Variants in TXNDC5 observed in about 807,000 individuals in gnomAD.
The protein encoded by TXNDC5 is thioredoxin domain-containing protein 5.
In TXNDC5, 44 loss-of-function variants were observed where a neutral mutation model predicts 52.6. That is an observed-to-expected ratio of 0.84 (90% CI 0.66 to 1.08). The LOEUF is 1.08. Ranked by LOEUF, TXNDC5 falls within the 50% of genes least tolerant of loss-of-function variation. The probability of loss-of-function intolerance (pLI) is 0.00; values close to 1 mark genes in which losing one functional copy is unlikely to be tolerated. For synonymous variants in TXNDC5, 241 were observed against 234.4 expected (o/e 1.03, Z -0.26); for missense variants, 600 against 565.5 (o/e 1.06, Z -0.62).
rs146362839 is a variant in TXNDC5 at position 7,891,048 on chromosome 6, C to T, written c.732+573G>A. On this transcript the variant is annotated intron_variant, in intron 5 of 9. Coordinates refer to ENST00000379757, the MANE Select transcript of TXNDC5 (RefSeq NM_030810.5). ...AAGAAAGGAAATCTATGCATGGTGT[C>T]TGGTGGGTGCTGGAAAGTGTAGAAG... Among the ~76,000 whole-genome samples the T allele has an allele frequency of 3.5e-4, 54 of 152,292 alleles. 2 individuals are homozygous for T. In the East Asian group the frequency reaches 8.9e-3, roughly 25 times the overall value.
chr6:7,895,333 G>A (rs1760331491), intron 3 of TXNDC5, 131 bp from the exon 4 acceptor site: 4 of 765,674 alleles, frequency 5.2e-6, no homozygotes, highest in South Asian at 1.8e-5. Flanking sequence ...ACCCTTGTAC[G>A]ATGCTGCTGT....
intron 7 of TXNDC5, among the ~76,000 whole-genome samples, chr6:7,887,093 T>C (rs1760008386): frequency 6.8e-6 from 1 of 147,798 alleles, no homozygotes; most frequent in South Asian, 2.2e-4. Flanking sequence ...GTTTACTTCT[T>C]CAACCAAAAC....
chr6:7,888,651 G>A (rs1760083895), intron 7 of TXNDC5, 54 bp downstream of exon 7: 1 of 1,558,254 alleles, frequency 6.4e-7, no homozygotes, highest in Non-Finnish European at 8.6e-7. Flanking sequence ...GGGGAGGTGG[G>A]GGGCCGGGGG....
At chr6:7,887,286 G>A (rs1239794429) in intron 7 of TXNDC5, among the ~76,000 whole-genome samples, 2 of 152,074 alleles carry the variant, frequency 1.3e-5, no homozygotes, top group Non-Finnish European at 2.9e-5. Context: ...AGGATGACAC[G>A]GGCACTCTCG....
At chr6:7,895,264 G>A (rs1760325818) in intron 3 of TXNDC5, 62 bp from the exon 4 acceptor site, 1 of 1,493,758 alleles carries the variant, frequency 6.7e-7, no homozygotes, top group Non-Finnish European at 9.1e-7. Flanking sequence ...AACCATCCAG[G>A]AGGTGACTGT....
rs762345665 is a variant in TXNDC5, at chr6:7,888,766, G to A, written c.902C>T (p.Ala301Val). ...ESQLQRTETGATETVTPSEAP... is the reference protein window; with the variant it reads ...ESQLQRTETGVTETVTPSEAP... ...CTCTGAGGGCGTGACGGTCTCCGTC[G>A]CTCCAGTCTCTGTGCGCTGCAGCTG... is the stretch of plus-strand genomic sequence containing the variant. The change falls in exon 7 of 10, where the codon GCG becomes GTG. Residue 301 changes from alanine to valine, a missense_variant. Ala to Val is a moderately conservative substitution (Grantham distance 64). Transcript: ENST00000379757. The A allele has an allele frequency of 3.1e-6, 5 of 1,614,102 alleles. No homozygotes were observed. Among genetic ancestry groups the A allele is most frequent in the South Asian group, 2.2e-5 (2 of 91,074 alleles).
chr6:7,910,224 C>T, intron 1 of TXNDC5: 1 of 906,154 alleles, frequency 1.1e-6, no homozygotes, highest in Non-Finnish European at 1.3e-6. Flanking sequence ...GCCCCAAGCC[C>T]TCGGTCCCCT....
chr6:7,910,221 G>A, intron 1 of TXNDC5: 1 of 912,370 alleles, frequency 1.1e-6, no homozygotes, highest in Non-Finnish European at 1.3e-6. Context: ...GGAGCCCCAA[G>A]CCCTCGGTCC....
chr6:7,895,058 A>G, intron 4 of TXNDC5, 48 bp downstream of exon 4: 1 of 1,592,334 alleles, frequency 6.3e-7, no homozygotes, highest in Non-Finnish European at 8.6e-7. Flanking sequence ...CAGCACGCCA[A>G]GGAATAATAG....
At chr6:7,886,301 C>T (rs1225938) in intron 7 of TXNDC5, among the ~76,000 whole-genome samples, 54,639 of 151,838 alleles carry the variant, frequency 0.36, 10,566 homozygotes, top group East Asian at 0.65. Flanking sequence ...GGTGGCTGGA[C>T]ACTGTACAGG....
intron 8 of TXNDC5, among the ~76,000 whole-genome samples, 186 bp from the exon 9 acceptor site, chr6:7,884,674 AC>A (rs1006618187): frequency 3.3e-5 from 5 of 152,202 alleles, no homozygotes; most frequent in African/African-American, 1.2e-4. Flanking sequence ...CAAATGAAGA[AC>A]CCAAAAGTTG....
rs554548444 is a variant in TXNDC5, at chr6:7,882,943, TTTACTTAGAGAAACTTAAC to T, written c.*182_*200del. ...TTACACAGTGACCATGAGTTACACA[TTTACTTAGAGAAACTTAAC>T]TTAATAAAGAATCTGTAGAGTGTGT... is the stretch of plus-strand genomic sequence containing the variant. On this transcript the variant is annotated 3_prime_UTR_variant, in exon 10 of 10. Transcript: ENST00000379757. 441 of 619,890 alleles carry T rather than the reference TTTACTTAGAGAAACTTAAC, an allele frequency of 7.1e-4. No individual in the cohort carries two copies. The highest frequency in any genetic ancestry group is 1.4e-3 in the Middle Eastern group (3 of 2,156). The allele number at this position is 619,890 out of a possible 1,614,324, so 38.4% of individuals were successfully genotyped here.
chr6:7,890,538 A>G (rs531713094), intron 5 of TXNDC5, among the ~76,000 whole-genome samples: 12 of 152,310 alleles, frequency 7.9e-5, no homozygotes, highest in Admixed American at 5.9e-4. Context: ...AGAATCTCCC[A>G]TAAAATTTCA....
intron 1 of TXNDC5, 45 bp downstream of exon 1, chr6:7,910,469 C>G (rs2567232): frequency 7.3e-7 from 1 of 1,365,578 alleles, no homozygotes; most frequent in Non-Finnish European, 9.6e-7. Flanking sequence ...CCACGCCCCG[C>G]GAAGCGCCAA....
At chr6:7,894,143 G>A (rs1302875233) in intron 4 of TXNDC5, among the ~76,000 whole-genome samples, 1 of 152,148 alleles carries the variant, frequency 6.6e-6, no homozygotes, top group African/African-American at 2.4e-5. Context: ...TTCTGAGACA[G>A]GATCTCACTC....
chr6:7,884,567 C>T (rs902475612), intron 8 of TXNDC5, 79 bp from the exon 9 acceptor site: 1 of 1,594,056 alleles, frequency 6.3e-7, no homozygotes, highest in Non-Finnish European at 8.6e-7. Context: ...AAGACAAGCT[C>T]TGTTTCTTCT....
chr6:7,904,477 A>C, intron 2 of TXNDC5, 97 bp downstream of exon 2: 1 of 1,498,050 alleles, frequency 6.7e-7, no homozygotes, highest in Non-Finnish European at 9.0e-7. Context: ...GCCTGCTTAA[A>C]TTTAGTATCT....
intron 7 of TXNDC5, among the ~76,000 whole-genome samples, chr6:7,887,551 G>A (rs947369628): frequency 2.0e-5 from 3 of 151,878 alleles, no homozygotes; most frequent in South Asian, 2.1e-4. Flanking sequence ...TCTCCTCCTC[G>A]CCATCGCACA....
intron 1 of TXNDC5, among the ~76,000 whole-genome samples, chr6:7,905,799 C>T (rs1760711530): frequency 6.6e-6 from 1 of 152,208 alleles, no homozygotes. Context: ...TACAATGTAA[C>T]CACTTTGCTG....
Sources: allele counts gnomAD v4.1 joint callset (sites outside exome capture counted in the v4.1 genomes callset), GRCh38; gene constraint gnomAD v4.1.1; transcripts MANE v1.5; gene names NCBI Gene and HGNC (gene_info 2026-07-23, HGNC 2026-07-21).